Variants in ENTREP2 observed in about 807,000 individuals in gnomAD.
The protein encoded by ENTREP2 is endosomal transmembrane epsin interactor 2, also known as protein ENTREP2.
the ENTREP2 span, among the ~76,000 whole-genome samples, chr15:29,132,831 G>A: frequency 6.6e-6 from 1 of 152,140 alleles, no homozygotes; most frequent in Non-Finnish European, 1.5e-5. Context: ...CACGGACAGG[G>A]GTTCCTGTCG....
chr15:29,669,413 C>G, the ENTREP2 span, among the ~76,000 whole-genome samples: 1 of 152,188 alleles, frequency 6.6e-6, no homozygotes, highest in African/African-American at 2.4e-5. Flanking sequence ...ATGCCCGGCA[C>G]CACCTTGGGA....
the ENTREP2 span, among the ~76,000 whole-genome samples, chr15:29,489,580 C>T: frequency 6.6e-6 from 1 of 152,146 alleles, no homozygotes; most frequent in South Asian, 2.1e-4. Context: ...TAGGTGCATC[C>T]CAATGCCAAT....
At chr15:29,414,520 A>G in the ENTREP2 span, among the ~76,000 whole-genome samples, 1 of 152,220 alleles carries the variant, frequency 6.6e-6, no homozygotes, top group Admixed American at 6.5e-5. Context: ...GGAAATTTAT[A>G]GCACTAAATG....
the ENTREP2 span, among the ~76,000 whole-genome samples, chr15:29,442,060 C>A: frequency 6.6e-6 from 1 of 152,194 alleles, no homozygotes; most frequent in Non-Finnish European, 1.5e-5. Flanking sequence ...GTTTTATAAC[C>A]TCTGTTGCTG....
chr15:29,622,451 G>C, the ENTREP2 span, among the ~76,000 whole-genome samples: 91 of 152,164 alleles, frequency 6.0e-4, 3 homozygotes, highest in East Asian at 0.013. Flanking sequence ...CAAGTGACCT[G>C]CTGGCCTCGG....
the ENTREP2 span, among the ~76,000 whole-genome samples, chr15:29,620,778 G>A: frequency 2.0e-4 from 31 of 152,288 alleles, 3 homozygotes; most frequent in African/African-American, 7.2e-4. Context: ...CCCTGTCCCA[G>A]AGGCTTTGCT....
the ENTREP2 span, among the ~76,000 whole-genome samples, chr15:29,588,501 A>G: frequency 7.5e-6 from 1 of 133,786 alleles, no homozygotes; most frequent in African/African-American, 2.9e-5. Context: ...AGAGAGAGAG[A>G]GAGAGAGGGA....
chr15:29,395,397 GTAA>G, the ENTREP2 span, among the ~76,000 whole-genome samples: 1 of 152,122 alleles, frequency 6.6e-6, no homozygotes, highest in South Asian at 2.1e-4. Flanking sequence ...AATTCTATTT[GTAA>G]TAATACAGAG....
the ENTREP2 span, among the ~76,000 whole-genome samples, chr15:29,218,468 T>G: frequency 6.6e-6 from 1 of 152,106 alleles, no homozygotes. Context: ...AAAACAATTC[T>G]AAAATTCATA....
the ENTREP2 span, among the ~76,000 whole-genome samples, chr15:29,215,041 A>C: frequency 6.6e-6 from 1 of 152,302 alleles, no homozygotes; most frequent in South Asian, 2.1e-4. Context: ...TAGAGTACTG[A>C]AGTCCCTCAC....
At chr15:29,334,168 G>A in the ENTREP2 span, among the ~76,000 whole-genome samples, 50 of 152,342 alleles carry the variant, frequency 3.3e-4, no homozygotes, top group South Asian at 8.3e-4. Context: ...AATCCAGCCT[G>A]TAATGTGAAC....
At chr15:29,644,887 G>A in the ENTREP2 span, among the ~76,000 whole-genome samples, 1 of 151,576 alleles carries the variant, frequency 6.6e-6, no homozygotes, top group East Asian at 2.0e-4. Flanking sequence ...AAAAGAAGTG[G>A]GTCCCAAAGT....
the ENTREP2 span, among the ~76,000 whole-genome samples, chr15:29,370,328 G>A: frequency 6.6e-6 from 1 of 152,070 alleles, no homozygotes; most frequent in Non-Finnish European, 1.5e-5. Flanking sequence ...AACTATCCTA[G>A]TATTAGACAA....
the ENTREP2 span, among the ~76,000 whole-genome samples, chr15:29,354,745 GC>G: frequency 6.6e-6 from 1 of 152,088 alleles, no homozygotes; most frequent in Non-Finnish European, 1.5e-5. Context: ...AAAGGAGACT[GC>G]CCCAAAACAG....
chr15:29,562,629 T>G, the ENTREP2 span, among the ~76,000 whole-genome samples: 1 of 152,158 alleles, frequency 6.6e-6, no homozygotes, highest in East Asian at 1.9e-4. Context: ...AAAACAATAT[T>G]AAGACAGAGT....
chr15:29,622,150 G>A, the ENTREP2 span, among the ~76,000 whole-genome samples: 6 of 152,036 alleles, frequency 3.9e-5, no homozygotes, highest in African/African-American at 1.5e-4. Context: ...ACAACACTGT[G>A]AATGTATTTA....
At chr15:29,448,855 C>A in the ENTREP2 span, among the ~76,000 whole-genome samples, 1 of 152,102 alleles carries the variant, frequency 6.6e-6, no homozygotes, top group Non-Finnish European at 1.5e-5. Flanking sequence ...AAAAATCAAT[C>A]TGAAAGTATA....
the ENTREP2 span, chr15:29,234,917 T>G: frequency 6.5e-7 from 1 of 1,544,222 alleles, no homozygotes; most frequent in Non-Finnish European, 9.0e-7. Flanking sequence ...AATTACTAAT[T>G]TGGTGTCATC....
At chr15:29,192,736 C>T in the ENTREP2 span, among the ~76,000 whole-genome samples, 20 of 152,054 alleles carry the variant, frequency 1.3e-4, no homozygotes, top group African/African-American at 4.6e-4. Context: ...TAGACAGGGT[C>T]GGCAGTGGAC....
Sources: gnomAD v4.1 joint callset for allele counts (sites outside exome capture counted in the v4.1 genomes callset) on GRCh38, gnomAD v4.1.1 for gene constraint, MANE v1.5 for transcripts, NCBI Gene and HGNC (gene_info 2026-07-23, HGNC 2026-07-21) for gene names.